The following DUS2 variants were observed in gnomAD, a reference collection of about 807,000 sequenced individuals.
The protein encoded by DUS2 is dihydrouridine synthase 2.
Under a neutral mutation model 71.3 loss-of-function variants are expected in DUS2, and 52 were observed. The ratio of observed to expected loss-of-function variants is 0.73; its 90% CI spans 0.58 to 0.92. The LOEUF is 0.92. Ranked by LOEUF, DUS2 falls within the 40% of genes least tolerant of loss-of-function variation. The probability of loss-of-function intolerance (pLI) is 0.00; values close to 1 mark genes in which losing one functional copy is unlikely to be tolerated. For missense variants in DUS2, 558 were observed against 622.6 expected, an observed-to-expected ratio of 0.90 and a Z score of 1.10; for synonymous variants, 204 against 227.8, an observed-to-expected ratio of 0.90 and a Z score of 0.94.
chr16:68,070,355 G>A (rs2034066879), intron 11 of DUS2, 135 bp downstream of exon 11: 1 of 741,520 alleles, frequency 1.3e-6, no homozygotes, highest in South Asian at 1.6e-5. Context: ...CAAGACCCCA[G>A]ACCTGTTCCT....
intron 7 of DUS2, among the ~76,000 whole-genome samples, chr16:68,057,410 A>AC (rs1238818858): frequency 1.3e-5 from 2 of 150,224 alleles, no homozygotes. Context: ...AAAAAAAAAA[A>AC]GGGAAAACAA....
chr16:68,070,894 T>C (rs770883797), intron 11 of DUS2, 46 bp from the exon 12 acceptor site: 39 of 1,594,940 alleles, frequency 2.4e-5, no homozygotes, highest in Non-Finnish European at 3.3e-5. Context: ...AAAATGCTGA[T>C]AGGTTCCGTG....
chr16:68,070,878 T>G (rs2034074270), intron 11 of DUS2, 62 bp from the exon 12 acceptor site: 1 of 1,582,492 alleles, frequency 6.3e-7, no homozygotes, highest in African/African-American at 1.3e-5. Context: ...GAGCTGACTT[T>G]TTCTGAAAAT....
rs1213456177 is a variant in DUS2, at chr16:68,057,390, G to A, written c.369+966G>A. Among the ~76,000 whole-genome samples the A allele has an allele frequency of 6.0e-5, 9 of 149,314 alleles. 1 individual carries two copies. The Admixed American group carries it at 6.1e-4, about 10-fold the overall frequency. On this transcript the variant is annotated intron_variant, in intron 7 of 16. Coordinates refer to ENST00000565263, the MANE Select transcript of DUS2 (RefSeq NM_017803.5). ...GACACATATCCCAGAAAGCCCAGAG[G>A]AGGATTATAAAAAAAAAAAAGGGAA...
intron 12 of DUS2, among the ~76,000 whole-genome samples, 161 bp from the exon 13 acceptor site, chr16:68,073,873 G>GCCACTGCTCA (rs2034120351): frequency 6.6e-6 from 1 of 152,182 alleles, no homozygotes; most frequent in South Asian, 2.1e-4. Flanking sequence ...ACAGATGTGA[G>GCCACTGCTCA]CCACTGCTCC....
At chr16:68,071,240 T>C in intron 12 of DUS2, 132 bp downstream of exon 12, 1 of 951,778 alleles carries the variant, frequency 1.1e-6, no homozygotes, top group Non-Finnish European at 1.6e-6. Context: ...GCTCATGTAG[T>C]GTAGCTGCAC....
chr16:68,032,778 G>T (rs1337628351), intron 2 of DUS2, among the ~76,000 whole-genome samples: 1 of 151,870 alleles, frequency 6.6e-6, no homozygotes, highest in African/African-American at 2.4e-5. Flanking sequence ...GCTGGGTGTG[G>T]TGGTGGGTGC....
At chr16:68,049,405 G>T in intron 3 of DUS2, 100 bp from the exon 4 acceptor site, 1 of 1,270,110 alleles carries the variant, frequency 7.9e-7, no homozygotes, top group Non-Finnish European at 1.1e-6. Context: ...TGGTAGTAGG[G>T]CGACTGGCCA....
chr16:68,057,587 TA>T (rs34667335), intron 7 of DUS2, among the ~76,000 whole-genome samples: 13 of 145,794 alleles, frequency 8.9e-5, no homozygotes, highest in South Asian at 4.4e-4. Flanking sequence ...TTCAAAAGTT[TA>T]AAAAAAAAAG....
At chr16:68,043,092 A>G (rs764649005) in intron 3 of DUS2, among the ~76,000 whole-genome samples, 14 of 151,798 alleles carry the variant, frequency 9.2e-5, no homozygotes, top group Non-Finnish European at 1.8e-4. Context: ...GCCTCAAGTG[A>G]TCCCCTCACC....
chr16:68,035,706 GTGGTTTTTTTTTT>G (rs1381885065), intron 2 of DUS2, among the ~76,000 whole-genome samples: 8 of 143,524 alleles, frequency 5.6e-5, no homozygotes, highest in Non-Finnish European at 7.5e-5. Flanking sequence ...TTCATTCTAT[GTGGTTTTTTTTTT>G]TGGTTTTTTT....
At position 68,076,589 on chromosome 16, in the gene DUS2, G is replaced by A. The variant is rs182590933; in HGVS notation, c.1083-43G>A. On this transcript the variant is annotated intron_variant, in intron 14 of 16. Transcript: ENST00000565263. ...TAGTGCCCTGGCTGAGGGAGGGAGC[G>A]GTGATGGTGGGTGACCCCAACTGCT... 2,092 of 1,472,692 alleles carry A rather than the reference G, an allele frequency of 1.4e-3. 28 individuals carry two copies. The African/African-American group carries it at 0.023, about 16-fold the overall frequency. The allele number at this position is 1,472,692 out of a possible 1,614,324, so 91.2% of individuals were successfully genotyped here. A position where few individuals can be genotyped will look rare whatever the true frequency, so the allele number is the denominator to read the frequency against.
intron 2 of DUS2, among the ~76,000 whole-genome samples, chr16:68,028,030 A>G (rs1465134132): frequency 1.3e-5 from 2 of 152,188 alleles, no homozygotes; most frequent in Non-Finnish European, 2.9e-5. Flanking sequence ...TACTGTGTTA[A>G]AGAGTGTAGA....
At chr16:68,064,789 C>G (rs2033983873) in intron 8 of DUS2, among the ~76,000 whole-genome samples, 2 of 152,232 alleles carry the variant, frequency 1.3e-5, no homozygotes, top group African/African-American at 2.4e-5. Context: ...TGCTCATGAA[C>G]TGTCTGTCAG....
chr16:68,073,924 G>C, intron 12 of DUS2, 110 bp from the exon 13 acceptor site: 1 of 1,392,098 alleles, frequency 7.2e-7, no homozygotes. Context: ...ACATTGCCTT[G>C]GCTACACATA....
Position 68,074,037 on chromosome 16 carries a change from G to T in DUS2, c.814G>T (p.Val272Leu), listed in dbSNP as rs766723286. ...GGCAAGTCATTTCTTTTCTCAGGCGGTGCAGTATGACAACCACTACACCAA... is the reference window on the plus strand; with the variant it reads ...GGCAAGTCATTTCTTTTCTCAGGCGTTGCAGTATGACAACCACTACACCAA... ...EVMQKYIRYAVQYDNHYTNTK... is the reference protein window; with the variant it reads ...EVMQKYIRYALQYDNHYTNTK... Residue 272 changes from valine (V) to leucine (L), a missense_variant, in exon 13 of 17, where the codon GTG (valine) becomes TTG (leucine). Coordinates refer to ENST00000565263, the MANE Select transcript of DUS2 (RefSeq NM_017803.5). 1 of 1,614,078 alleles carries T rather than the reference G, an allele frequency of 6.2e-7. No individual in the cohort carries two copies.
chr16:68,030,785 A>T (rs1288684372), intron 2 of DUS2, among the ~76,000 whole-genome samples: 3 of 151,686 alleles, frequency 2.0e-5, no homozygotes, highest in Non-Finnish European at 4.4e-5. Context: ...AGGCTGGAGT[A>T]CAGTTGCACA....
intron 6 of DUS2, 87 bp from the exon 7 acceptor site, chr16:68,056,277 A>G: frequency 8.6e-7 from 1 of 1,160,524 alleles, no homozygotes; most frequent in Non-Finnish European, 1.3e-6. Flanking sequence ...TAAGAGGTTC[A>G]TGAGCACAGG....
chr16:68,076,603 A>AC (rs2034160088), intron 14 of DUS2, 29 bp from the exon 15 acceptor site: 1 of 1,573,428 alleles, frequency 6.4e-7, no homozygotes, highest in Non-Finnish European at 8.7e-7. Context: ...ATGGTGGGTG[A>AC]CCCCAACTGC....
Sources: allele counts gnomAD v4.1 joint callset (sites outside exome capture counted in the v4.1 genomes callset), GRCh38; gene constraint gnomAD v4.1.1; transcripts MANE v1.5; gene names NCBI Gene and HGNC (gene_info 2026-07-23, HGNC 2026-07-21).